Variants in NLGN1 observed in about 807,000 individuals in gnomAD.
NLGN1 encodes neuroligin 1.
A neutral mutation model predicts 65.5 loss-of-function variants in NLGN1; 12 were observed. The observed-to-expected ratio is 0.18, with a 90% CI of 0.12 to 0.30. NLGN1 has a LOEUF of 0.30. NLGN1 is among the 10% of genes least tolerant of loss of function. The pLI, the probability that NLGN1 is intolerant of heterozygous loss-of-function variation, is 1.00. For missense variants in NLGN1, 750 were observed against 1,007.1 expected, an observed-to-expected ratio of 0.74 and a Z score of 3.46; for synonymous variants, 350 against 359.5, an observed-to-expected ratio of 0.97 and a Z score of 0.30.
chr3:173,869,580 A>G (rs985577089), intron 4 of NLGN1, among the ~76,000 whole-genome samples: 1 of 152,140 alleles, frequency 6.6e-6, no homozygotes. Context: ...TAAGTAAGAA[A>G]TGGGTGAAAA....
intron 3 of NLGN1, among the ~76,000 whole-genome samples, chr3:173,709,172 A>G (rs1399714147): frequency 6.6e-6 from 1 of 152,154 alleles, no homozygotes; most frequent in Non-Finnish European, 1.5e-5. Flanking sequence ...ACCGAGGTTT[A>G]TTTCTCATTT....
At chr3:174,046,682 G>T (rs2152497083) in intron 4 of NLGN1, among the ~76,000 whole-genome samples, 1 of 152,182 alleles carries the variant, frequency 6.6e-6, no homozygotes, top group East Asian at 1.9e-4. Flanking sequence ...TAGATTTATA[G>T]TTCTATCTCA....
intron 3 of NLGN1, among the ~76,000 whole-genome samples, chr3:173,746,740 A>C (rs913025430): frequency 1.3e-5 from 2 of 152,058 alleles, no homozygotes; most frequent in Non-Finnish European, 2.9e-5. Context: ...TCCATGAAAC[A>C]GGAATCATCT....
chr3:173,528,085 A>G (rs780759173), intron 2 of NLGN1, among the ~76,000 whole-genome samples: 10 of 152,316 alleles, frequency 6.6e-5, no homozygotes, highest in Non-Finnish European at 8.8e-5. Context: ...TTTTATGACG[A>G]TGAGTATTGT....
At chr3:173,809,033 T>G (rs1428001603) in intron 4 of NLGN1, among the ~76,000 whole-genome samples, 1 of 152,190 alleles carries the variant, frequency 6.6e-6, no homozygotes, top group Non-Finnish European at 1.5e-5. Context: ...ATGTGAAGGT[T>G]AAGTCTCAGT....
intron 3 of NLGN1, among the ~76,000 whole-genome samples, chr3:173,703,074 GTT>G (rs879872052): frequency 7.0e-6 from 1 of 142,766 alleles, no homozygotes. Context: ...TGTTACTAGA[GTT>G]TTTTTTTTTT....
intron 2 of NLGN1, among the ~76,000 whole-genome samples, chr3:173,480,200 T>C (rs768976900): frequency 2.0e-5 from 3 of 152,006 alleles, no homozygotes; most frequent in Non-Finnish European, 4.4e-5. Context: ...GTGCAAAACA[T>C]GTGATTCTCG....
chr3:173,638,063 TG>T (rs1366433983), intron 3 of NLGN1, among the ~76,000 whole-genome samples: 2 of 152,216 alleles, frequency 1.3e-5, no homozygotes, highest in Admixed American at 1.3e-4. Context: ...CCCAGAAATC[TG>T]GAACTTGAGA....
intron 4 of NLGN1, among the ~76,000 whole-genome samples, chr3:174,183,884 G>A (rs1214950655): frequency 1.3e-5 from 2 of 152,176 alleles, no homozygotes; most frequent in African/African-American, 2.4e-5. Context: ...GTCTCTTGGT[G>A]AGAGCAGTCA....
At chr3:173,878,271 A>G (rs991067458) in intron 4 of NLGN1, among the ~76,000 whole-genome samples, 3 of 152,072 alleles carry the variant, frequency 2.0e-5, no homozygotes, top group African/African-American at 7.2e-5. Flanking sequence ...CGAACTTCTG[A>G]CCTTGTAATC....
At position 173,500,520 on chromosome 3, in the gene NLGN1, T is replaced by G. The variant is rs141525979; in HGVS notation, c.-321+65442T>G. Among the ~76,000 whole-genome samples, 724 of 152,132 alleles carry G rather than the reference T, an allele frequency of 4.8e-3. 5 individuals are homozygous for G. The highest frequency in any genetic ancestry group is 0.013 in the African/African-American group (533 of 41,478). ...ATATTGCTCTAAAATTCTCTTTTTTTTGTGTGTCTGTGCCAGGCTTTGGTA... is the reference window on the plus strand; with the variant it reads ...ATATTGCTCTAAAATTCTCTTTTTTGTGTGTGTCTGTGCCAGGCTTTGGTA... On this transcript the variant is annotated intron_variant, in intron 2 of 6. Coordinates refer to ENST00000457714, the Ensembl canonical transcript of NLGN1.
At chr3:174,050,002 G>A (rs923581558) in intron 4 of NLGN1, among the ~76,000 whole-genome samples, 5 of 151,946 alleles carry the variant, frequency 3.3e-5, no homozygotes, top group Admixed American at 1.3e-4. Context: ...AATATTTTAG[G>A]TTCAGTGTTC....
At chr3:173,795,762 A>T (rs1048304799) in intron 3 of NLGN1, among the ~76,000 whole-genome samples, 2 of 152,098 alleles carry the variant, frequency 1.3e-5, no homozygotes, top group African/African-American at 2.4e-5. Context: ...AAGTTTTATA[A>T]ACTAAATTTT....
intron 4 of NLGN1, among the ~76,000 whole-genome samples, chr3:174,018,069 C>T (rs1009631053): frequency 5.3e-5 from 8 of 152,102 alleles, no homozygotes; most frequent in African/African-American, 7.2e-5. Context: ...CCCCTGGGAA[C>T]GCATTCTCTT....
chr3:173,604,861 C>T (rs966805126), exon 3 of NLGN1: 1 of 1,613,702 alleles, frequency 6.2e-7, no homozygotes. Context: ...TATGCAGCCC[C>T]ACCAACAGGG....
chr3:173,616,833 G>A (rs1286243142), intron 3 of NLGN1, among the ~76,000 whole-genome samples: 2 of 152,114 alleles, frequency 1.3e-5, no homozygotes, highest in Admixed American at 6.6e-5. Context: ...TTGCTTTAAA[G>A]TCTGAAATCA....
chr3:173,538,873 G>GTTT (rs34863294), intron 2 of NLGN1, among the ~76,000 whole-genome samples: 1,703 of 146,138 alleles, frequency 0.012, 51 homozygotes, highest in Admixed American at 0.05. Flanking sequence ...TATCTTCATG[G>GTTT]TTTTTTTTTT....
chr3:174,215,901 C>T (rs549328350), intron 4 of NLGN1, among the ~76,000 whole-genome samples: 63 of 152,196 alleles, frequency 4.1e-4, no homozygotes, highest in Admixed American at 1.2e-3. Flanking sequence ...TTCCTCTCTC[C>T]ATTCCTTTTA....
intron 4 of NLGN1, among the ~76,000 whole-genome samples, chr3:174,013,342 C>T (rs1035975024): frequency 6.6e-6 from 1 of 152,098 alleles, no homozygotes; most frequent in African/African-American, 2.4e-5. Flanking sequence ...ACTGCTATTC[C>T]CCCTCAAAAT....
Sources: gnomAD v4.1 joint callset for allele counts (sites outside exome capture counted in the v4.1 genomes callset) on GRCh38, gnomAD v4.1.1 for gene constraint, MANE v1.5 for transcripts, NCBI Gene and HGNC (gene_info 2026-07-23, HGNC 2026-07-21) for gene names.